The following CYB5R4 variants were observed in gnomAD, a reference collection of about 807,000 sequenced individuals.
The protein encoded by CYB5R4 is N-terminal cytochrome b5 and cytochrome b5 oxidoreductase domain-containing protein.
In CYB5R4, 55 loss-of-function variants were observed where a neutral mutation model predicts 70.2. That is an observed-to-expected ratio of 0.78 (90% CI 0.63 to 0.98). The LOEUF (loss-of-function observed/expected upper bound fraction) is 0.98. CYB5R4 is among the 50% of genes least tolerant of loss of function. The pLI, the probability that CYB5R4 is intolerant of heterozygous loss-of-function variation, is 0.00. For synonymous variants in CYB5R4, 197 were observed against 199.5 expected (o/e 0.99, Z 0.11); for missense variants, 562 against 612.6 (o/e 0.92, Z 0.87).
intron 2 of CYB5R4, among the ~76,000 whole-genome samples, chr6:83,890,025 G>A (rs2099460877): frequency 6.6e-6 from 1 of 152,144 alleles, no homozygotes; most frequent in Admixed American, 6.6e-5. Context: ...GATTTGGGCT[G>A]GGACAGATAT....
chr6:83,916,343 C>T lies in CYB5R4; in HGVS notation c.446-1662C>T, dbSNP rs1055343012. Among the ~76,000 whole-genome samples the T allele has an allele frequency of 1.1e-4, 16 of 152,142 alleles. 1 individual carries two copies. The highest frequency in any genetic ancestry group is 8.5e-4 in the Admixed American group (13 of 15,284). On this transcript the variant is annotated intron_variant, in intron 5 of 15. Coordinates refer to ENST00000369681, the MANE Select transcript of CYB5R4 (RefSeq NM_016230.4). ...TACAATTTATCAATTCTGTTTATAG[C>T]GTTTTCTTACAGAAATTCTTAGATT... is the stretch of plus-strand genomic sequence containing the variant.
chr6:83,879,306 AGT>A, intron 2 of CYB5R4, among the ~76,000 whole-genome samples: 1 of 152,194 alleles, frequency 6.6e-6, no homozygotes, highest in East Asian at 1.9e-4. Context: ...TCTCTTTTCC[AGT>A]GTGAGAGTAT....
chr6:83,886,809 G>C (rs1022505374), intron 2 of CYB5R4, among the ~76,000 whole-genome samples: 2 of 152,118 alleles, frequency 1.3e-5, no homozygotes, highest in African/African-American at 4.8e-5. Context: ...TTTAAAATTA[G>C]ATAATGAGAC....
At chr6:83,866,562 G>T (rs1392069546) in intron 2 of CYB5R4, among the ~76,000 whole-genome samples, 1 of 151,628 alleles carries the variant, frequency 6.6e-6, no homozygotes, top group East Asian at 1.9e-4. Flanking sequence ...CCTCTGTAAT[G>T]ATTTGAATGT....
Position 83,864,868 on chromosome 6 carries a change from T to C in CYB5R4, c.229+540T>C, listed in dbSNP as rs1240232821. The stretch of plus-strand genomic sequence containing the variant: ...AACTCCAAATTAAATATAAATGTAT[T>C]GGAGGAGGTGAGCAGGCAGACAAGA... On this transcript the variant is annotated intron_variant, in intron 2 of 15. Coordinates refer to ENST00000369681, the MANE Select transcript of CYB5R4 (RefSeq NM_016230.4). Among the ~76,000 whole-genome samples the C allele has an allele frequency of 2.6e-5, 4 of 152,130 alleles. No individual in the cohort carries two copies. In the East Asian group the frequency reaches 7.7e-4, roughly 29 times the overall value.
At position 83,879,371 on chromosome 6, in the gene CYB5R4, C is replaced by A. The variant is rs1206668735; in HGVS notation, c.230-14151C>A. Among the ~76,000 whole-genome samples, 6 of 152,084 alleles carry A rather than the reference C, an allele frequency of 3.9e-5. No homozygotes were observed. The South Asian group carries it at 8.3e-4, about 21-fold the overall frequency. The stretch of plus-strand genomic sequence containing the variant: ...GGTCTGAGTACATTTTCTGTTCTTT[C>A]CCAGTATTTAGCTAGCATTTGCCTA... On this transcript the variant is annotated intron_variant, in intron 2 of 15. Coordinates refer to ENST00000369681, the MANE Select transcript of CYB5R4 (RefSeq NM_016230.4).
chr6:83,951,456 C>T (rs923342147), intron 14 of CYB5R4, among the ~76,000 whole-genome samples: 1 of 152,114 alleles, frequency 6.6e-6, no homozygotes, highest in African/African-American at 2.4e-5. Flanking sequence ...CCCAACAGGC[C>T]TCAGTGTGGA....
intron 9 of CYB5R4, among the ~76,000 whole-genome samples, chr6:83,923,124 T>C (rs1299426770): frequency 1.3e-5 from 2 of 152,038 alleles, no homozygotes; most frequent in African/African-American, 2.4e-5. Flanking sequence ...CTTATAGAAA[T>C]ATACTATGTT....
chr6:83,873,482 C>A (rs2099457987), intron 2 of CYB5R4, among the ~76,000 whole-genome samples: 1 of 151,892 alleles, frequency 6.6e-6, no homozygotes. Context: ...CTCAAGTGAT[C>A]CACCTGCCTC....
chr6:83,959,678 A>C (rs2099473013), intron 15 of CYB5R4, 146 bp from the exon 16 acceptor site: 1 of 639,668 alleles, frequency 1.6e-6, no homozygotes, highest in Non-Finnish European at 2.6e-6. Flanking sequence ...ATTTTTTAAG[A>C]GGTGATAGTG....
intron 10 of CYB5R4, among the ~76,000 whole-genome samples, chr6:83,931,049 A>G (rs994037478): frequency 6.6e-6 from 1 of 152,222 alleles, no homozygotes; most frequent in Non-Finnish European, 1.5e-5. Flanking sequence ...GACTTTCTGC[A>G]TATCAGCAAT....
chr6:83,926,109 A>G (rs1159935094), intron 10 of CYB5R4, among the ~76,000 whole-genome samples: 4 of 152,056 alleles, frequency 2.6e-5, no homozygotes, highest in Non-Finnish European at 5.9e-5. Context: ...ATGTTTCCTA[A>G]TCTTTTACTA....
intron 14 of CYB5R4, among the ~76,000 whole-genome samples, chr6:83,944,972 A>T (rs1454153652): frequency 6.6e-6 from 1 of 152,190 alleles, no homozygotes; most frequent in Non-Finnish European, 1.5e-5. Context: ...ACACAATAAT[A>T]GTGGGAGACT....
At chr6:83,893,310 T>C (rs897342477) in intron 2 of CYB5R4, among the ~76,000 whole-genome samples, 1 of 152,226 alleles carries the variant, frequency 6.6e-6, no homozygotes, top group Admixed American at 6.5e-5. Context: ...TCTCTTGTTA[T>C]CTGCCAGGAC....
At chr6:83,894,635 A>C (rs888840278) in intron 3 of CYB5R4, among the ~76,000 whole-genome samples, 1 of 152,216 alleles carries the variant, frequency 6.6e-6, no homozygotes. Flanking sequence ...CTAACAGCCT[A>C]CTGTTGACCA....
chr6:83,881,544 A>G (rs867577269), intron 2 of CYB5R4, among the ~76,000 whole-genome samples: 9 of 152,146 alleles, frequency 5.9e-5, no homozygotes, highest in Admixed American at 5.2e-4. Context: ...CCTGGAATCT[A>G]ATTCCTGTAC....
intron 1 of CYB5R4, among the ~76,000 whole-genome samples, chr6:83,863,921 TA>T (rs2099456361): frequency 6.6e-6 from 1 of 152,170 alleles, no homozygotes; most frequent in Admixed American, 6.5e-5. Context: ...TGGTATAGGG[TA>T]GGGGGAAGTC....
chr6:83,931,805 T>TATATA (rs59008884), intron 10 of CYB5R4, among the ~76,000 whole-genome samples: 6 of 74,940 alleles, frequency 8.0e-5, no homozygotes, highest in African/African-American at 3.7e-4. Context: ...ATATATATAT[T>TATATA]TTTTTTTTAT....
intron 3 of CYB5R4, among the ~76,000 whole-genome samples, chr6:83,901,994 G>A (rs1446825844): frequency 6.6e-6 from 1 of 151,748 alleles, no homozygotes; most frequent in African/African-American, 2.4e-5. Flanking sequence ...TCTCTTGATT[G>A]TTTCCTTTGC....
Sources: allele counts gnomAD v4.1 joint callset (sites outside exome capture counted in the v4.1 genomes callset), GRCh38; gene constraint gnomAD v4.1.1; transcripts MANE v1.5; gene names NCBI Gene and HGNC (gene_info 2026-07-23, HGNC 2026-07-21).